CHST9: variants seen among roughly 807,000 people sequenced by gnomAD.
CHST9 encodes the protein carbohydrate sulfotransferase 9.
CHST9 carries 41 observed loss-of-function variants against 44.4 expected under a neutral mutation model. That is an observed-to-expected ratio of 0.92 (90% confidence interval 0.72 to 1.20). The LOEUF (loss-of-function observed/expected upper bound fraction) is 1.20, where lower values mean the gene tolerates loss of function less well. Among genes scored for constraint, CHST9 ranks in the 50% most tolerant of loss-of-function variants. CHST9 has a pLI of 0.00. For missense variants in CHST9, 504 were observed against 516.5 expected, an observed-to-expected ratio of 0.98 and a Z score of 0.23; for synonymous variants, 171 against 178.4, an observed-to-expected ratio of 0.96 and a Z score of 0.33.
chr18:26,948,985 A>G (rs16943028), intron 4 of CHST9, among the ~76,000 whole-genome samples: 27,997 of 151,884 alleles, frequency 0.18, 2,699 homozygotes, highest in East Asian at 0.24. Flanking sequence ...GCCTTTGGAG[A>G]TTGTGACTTG....
intron 1 of CHST9, among the ~76,000 whole-genome samples, chr18:27,150,900 T>G (rs1216206508): frequency 1.3e-5 from 2 of 152,076 alleles, no homozygotes; most frequent in African/African-American, 4.8e-5. Flanking sequence ...GCTTAAGGGG[T>G]TTAGATTTTC....
chr18:26,932,175 A>T (rs1484861649), intron 5 of CHST9, among the ~76,000 whole-genome samples: 1 of 152,210 alleles, frequency 6.6e-6, no homozygotes, highest in Non-Finnish European at 1.5e-5. Context: ...ACTGAACATC[A>T]TTGTTGGAAT....
chr18:26,971,736 T>C (rs2056545864), intron 4 of CHST9, among the ~76,000 whole-genome samples: 1 of 152,124 alleles, frequency 6.6e-6, no homozygotes, highest in Non-Finnish European at 1.5e-5. Context: ...CCAAAGCAAG[T>C]CACACAGCCA....
At chr18:26,976,117 G>A (rs1401521744) in intron 4 of CHST9, among the ~76,000 whole-genome samples, 12 of 151,838 alleles carry the variant, frequency 7.9e-5, no homozygotes, top group Non-Finnish European at 1.6e-4. Flanking sequence ...AAATAAGTGG[G>A]ATAAGCAAAA....
chr18:27,097,610 G>A (rs1340771579), intron 2 of CHST9, among the ~76,000 whole-genome samples: 1 of 151,986 alleles, frequency 6.6e-6, no homozygotes, highest in Non-Finnish European at 1.5e-5. Flanking sequence ...GTCAGTTTTG[G>A]CTTTTGTTGC....
intron 3 of CHST9, among the ~76,000 whole-genome samples, chr18:27,039,152 C>CA (rs2057419393): frequency 6.6e-6 from 1 of 152,100 alleles, no homozygotes; most frequent in Non-Finnish European, 1.5e-5. Flanking sequence ...CATGATCCAG[C>CA]AATTCTATTT....
chr18:26,994,538 C>A (rs2056862549), intron 4 of CHST9, among the ~76,000 whole-genome samples: 1 of 152,078 alleles, frequency 6.6e-6, no homozygotes, highest in South Asian at 2.1e-4. Context: ...ACCTCCTGTT[C>A]TTCATGCCCT....
At chr18:27,109,614 G>A (rs537556868) in intron 2 of CHST9, among the ~76,000 whole-genome samples, 65 of 152,310 alleles carry the variant, frequency 4.3e-4, no homozygotes, top group African/African-American at 1.5e-3. Flanking sequence ...AGGGAGAGCA[G>A]GGCCATGCGC....
intron 3 of CHST9, among the ~76,000 whole-genome samples, chr18:27,042,069 C>T (rs1039668724): frequency 2.6e-5 from 4 of 151,976 alleles, no homozygotes; most frequent in African/African-American, 7.2e-5. Context: ...CCTGGGAGGC[C>T]GAGGCAGAAA....
chr18:27,103,600 G>A (rs1443479959), intron 2 of CHST9, among the ~76,000 whole-genome samples: 1 of 152,170 alleles, frequency 6.6e-6, no homozygotes, highest in East Asian at 1.9e-4. Flanking sequence ...GGCTTTTAAG[G>A]GGAGTTTACC....
intron 2 of CHST9, among the ~76,000 whole-genome samples, chr18:27,129,515 C>A (rs1169361442): frequency 6.6e-6 from 1 of 152,062 alleles, no homozygotes; most frequent in African/African-American, 2.4e-5. Context: ...GCCCCAGTCA[C>A]CCATGTAGAT....
At chr18:27,052,342 A>G (rs955795038) in intron 2 of CHST9, among the ~76,000 whole-genome samples, 2 of 151,894 alleles carry the variant, frequency 1.3e-5, no homozygotes, top group Non-Finnish European at 2.9e-5. Context: ...GTGTATATAT[A>G]TTTATACATG....
intron 2 of CHST9, among the ~76,000 whole-genome samples, chr18:27,089,616 T>C (rs1442040866): frequency 1.3e-5 from 2 of 152,162 alleles, no homozygotes; most frequent in African/African-American, 2.4e-5. Context: ...TATGTCTTTA[T>C]AGTAGCATGA....
intron 2 of CHST9, among the ~76,000 whole-genome samples, chr18:27,087,016 T>A (rs2058019551): frequency 6.6e-6 from 1 of 152,202 alleles, no homozygotes; most frequent in African/African-American, 2.4e-5. Flanking sequence ...GGCTTTTATG[T>A]ATAGACATAT....
intron 2 of CHST9, among the ~76,000 whole-genome samples, chr18:27,114,927 C>CCCA (rs2058307231): frequency 6.6e-6 from 1 of 152,042 alleles, no homozygotes; most frequent in Non-Finnish European, 1.5e-5. Context: ...CCCCATAATC[C>CCCA]CCACGTGTCA....
rs943976047 is a variant in CHST9 at position 26,951,413 on chromosome 18, C to T, written c.203-7047G>A. Among the ~76,000 whole-genome samples, 4 of 152,274 alleles carry T rather than the reference C, an allele frequency of 2.6e-5. No individual in the cohort carries two copies. The South Asian group carries it at 6.2e-4, about 24-fold the overall frequency. On this transcript the variant is annotated intron_variant, in intron 4 of 5. Coordinates refer to ENST00000618847, the MANE Select transcript of CHST9 (RefSeq NM_031422.6). ...TTCTAAACCTCTTTCAGGTAACAGG[C>T]CCCTTTGAGAATCTAAGAGCAGTTA...
At chr18:27,024,231 G>T in intron 3 of CHST9, 74 bp from the exon 4 acceptor site, 3 of 1,243,074 alleles carry the variant, frequency 2.4e-6, no homozygotes, top group Admixed American at 2.1e-5. Context: ...TCTACACAAA[G>T]ATGCCTCAAA....
intron 2 of CHST9, among the ~76,000 whole-genome samples, chr18:27,074,647 G>A (rs58856640): frequency 2.0e-3 from 303 of 152,124 alleles, no homozygotes; most frequent in African/African-American, 6.7e-3. Context: ...CTAGGGTTGC[G>A]GGGGTTTGAT....
intron 4 of CHST9, among the ~76,000 whole-genome samples, chr18:26,989,847 G>C (rs1002093470): frequency 1.3e-5 from 2 of 152,144 alleles, no homozygotes; most frequent in African/African-American, 4.8e-5. Flanking sequence ...CTACTCAGGA[G>C]GCTGAGGCAC....
Sources: gnomAD v4.1 joint callset for allele counts (sites outside exome capture counted in the v4.1 genomes callset) on GRCh38, gnomAD v4.1.1 for gene constraint, MANE v1.5 for transcripts, NCBI Gene and HGNC (gene_info 2026-07-23, HGNC 2026-07-21) for gene names.